Variants in CPD observed in about 807,000 individuals in gnomAD.
CPD encodes the protein carboxypeptidase D.
CPD carries 69 observed loss-of-function variants against 138.3 expected under a neutral mutation model. That is an observed-to-expected ratio of 0.50 (90% CI 0.41 to 0.61). The LOEUF (loss-of-function observed/expected upper bound fraction) is 0.61, where lower values mean the gene tolerates loss of function less well. CPD is among the 20% of genes least tolerant of loss of function. CPD has a pLI of 0.00. For synonymous variants in CPD, 651 were observed against 642.1 expected (o/e 1.01, Z -0.21); for missense variants, 1,432 against 1,733.3 (o/e 0.83, Z 3.09).
chr17:30,405,511 A>G (rs752366619), intron 2 of CPD, among the ~76,000 whole-genome samples: 13 of 152,236 alleles, frequency 8.5e-5, no homozygotes, highest in Admixed American at 2.6e-4. Context: ...TTTGCCACCT[A>G]GTTAACCTAG....
chr17:30,443,151 A>G (rs757245116), intron 10 of CPD, among the ~76,000 whole-genome samples: 2 of 152,068 alleles, frequency 1.3e-5, no homozygotes, highest in Non-Finnish European at 2.9e-5. Context: ...TGTAAATTTT[A>G]TTTACACACT....
rs893811134 is a variant in CPD, at chr17:30,378,957, C to T, written c.-24C>T. On this transcript the variant is annotated 5_prime_UTR_variant, in exon 1 of 21. Transcript: ENST00000225719. ...GAGCGCTGAGCCGCGGGAGCGGAGC[C>T]GGGGTTAGCGGCGCTGCTGGAAGAT... is the stretch of plus-strand genomic sequence containing the variant. The T allele has an allele frequency of 6.1e-6, 9 of 1,465,706 alleles. No homozygotes were observed. Among genetic ancestry groups the T allele is most frequent in the South Asian group, 4.1e-5 (3 of 73,262 alleles). 90.8% of individuals were successfully genotyped at this position (1,465,706 alleles called of 1,614,324 possible).
At chr17:30,401,855 T>TA (rs1325037362) in intron 2 of CPD, among the ~76,000 whole-genome samples, 2 of 152,090 alleles carry the variant, frequency 1.3e-5, no homozygotes, top group Non-Finnish European at 2.9e-5. Context: ...TTTTTGCACT[T>TA]ATAGTGTTTG....
intron 7 of CPD, among the ~76,000 whole-genome samples, chr17:30,429,577 C>T (rs946063404): frequency 6.6e-6 from 1 of 152,026 alleles, no homozygotes. Context: ...TGATAAAAGA[C>T]AGATTAAAAG....
In CPD at chr17:30,379,549, C is replaced by A; in HGVS notation, c.569C>A (p.Ala190Asp). The change falls in exon 1 of 21, where the codon GCC (alanine) becomes GAC (aspartate). Residue 190 changes from alanine to aspartate, a missense_variant. Ala to Asp is a moderately radical substitution (Grantham distance 126). This residue lies in a region of CPD where 484 missense variants were observed against 477.2 expected (regional missense o/e 1.01). Transcript: ENST00000225719. The surrounding 1 kb of genome is among the most constrained non-coding windows in gnomAD (Gnocchi z 7.0). ...PSLNPDGFERAREGDCGFGDG... is the reference protein window; with the variant it reads ...PSLNPDGFERDREGDCGFGDG... ...CTCAACCCCGATGGCTTCGAGCGTG[C>A]CCGCGAGGGCGACTGTGGCTTCGGC... The A allele has an allele frequency of 1.3e-6, 2 of 1,548,754 alleles. No homozygotes were observed. The highest frequency in any genetic ancestry group is 1.7e-6 in the Non-Finnish European group (2 of 1,156,690).
intron 2 of CPD, among the ~76,000 whole-genome samples, chr17:30,415,118 A>G (rs8075762): frequency 0.013 from 1,936 of 152,222 alleles, 35 homozygotes; most frequent in African/African-American, 0.044. Flanking sequence ...AAATGGCACT[A>G]CTATCTCCCT....
intron 2 of CPD, among the ~76,000 whole-genome samples, chr17:30,393,576 G>A (rs894778517): frequency 1.1e-4 from 16 of 152,322 alleles, no homozygotes; most frequent in African/African-American, 3.6e-4. Flanking sequence ...TTCAGAACTA[G>A]TAGGTCATAG....
At chr17:30,388,585 C>A (rs1911260640) in intron 2 of CPD, among the ~76,000 whole-genome samples, 1 of 152,176 alleles carries the variant, frequency 6.6e-6, no homozygotes, top group African/African-American at 2.4e-5. Context: ...TGGGGAGAGG[C>A]CAGGCAGCAG....
At chr17:30,449,403 T>C in intron 12 of CPD, 150 bp from the exon 13 acceptor site, 1 of 578,456 alleles carries the variant, frequency 1.7e-6, no homozygotes. Context: ...AAACTAATTT[T>C]CTTAAGGTTT....
intron 2 of CPD, among the ~76,000 whole-genome samples, chr17:30,416,652 T>G (rs1912115089): frequency 6.6e-6 from 1 of 152,134 alleles, no homozygotes; most frequent in Non-Finnish European, 1.5e-5. Flanking sequence ...ACCAAACTTT[T>G]CCCCCTGCCT....
rs750492183 is a variant in CPD at position 30,456,494 on chromosome 17, G to C, written c.3466G>C (p.Ala1156Pro). Residue 1156 changes from alanine to proline, a missense_variant, in exon 17 of 21, where the codon GCA becomes CCA. Ala to Pro is a conservative substitution (Grantham distance 27). Transcript: ENST00000225719. ...ENIPGGVMRG[A>P]EWHSHLGSMK... Reference sequence around the variant, plus strand: ...TATTCCAGGAGGAGTAATGCGTGGAGCAGAATGGCATAGTCACCTGGGCAG... The same window carrying C: ...TATTCCAGGAGGAGTAATGCGTGGACCAGAATGGCATAGTCACCTGGGCAG... The C allele has an allele frequency of 1.9e-6, 3 of 1,614,166 alleles. No individual in the cohort carries two copies. The South Asian group carries it at 3.3e-5, about 18-fold the overall frequency.
At chr17:30,394,554 C>G (rs566984572) in intron 2 of CPD, among the ~76,000 whole-genome samples, 1 of 152,038 alleles carries the variant, frequency 6.6e-6, no homozygotes, top group South Asian at 2.1e-4. Context: ...TAGTGCTATT[C>G]GTTTTGGAGT....
intron 1 of CPD, chr17:30,380,698 G>C: frequency 8.2e-7 from 1 of 1,221,750 alleles, no homozygotes; most frequent in East Asian, 2.6e-5. Context: ...GGCAAGATGT[G>C]TGTGGGCTGC....
At chr17:30,435,000 C>G (rs951384559) in intron 8 of CPD, among the ~76,000 whole-genome samples, 22 of 151,952 alleles carry the variant, frequency 1.4e-4, no homozygotes, top group Non-Finnish European at 2.9e-5. Flanking sequence ...AAAAAATAAT[C>G]GAGAAGCAGA....
intron 1 of CPD, among the ~76,000 whole-genome samples, chr17:30,381,174 G>A (rs1248599879): frequency 6.6e-6 from 1 of 151,934 alleles, no homozygotes; most frequent in Non-Finnish European, 1.5e-5. Context: ...ATACGATCGT[G>A]TCATCACCTC....
intron 2 of CPD, among the ~76,000 whole-genome samples, chr17:30,386,754 A>C (rs1911200201): frequency 6.6e-6 from 1 of 152,184 alleles, no homozygotes; most frequent in Admixed American, 6.5e-5. Flanking sequence ...AATATTCTTA[A>C]GGGTGATCCA....
At chr17:30,417,484 A>G (rs1048133618) in intron 2 of CPD, among the ~76,000 whole-genome samples, 1 of 152,170 alleles carries the variant, frequency 6.6e-6, no homozygotes, top group South Asian at 2.1e-4. Context: ...CTCAAATTCA[A>G]CATGCCCCTT....
At chr17:30,462,868 T>C (rs192957645) in intron 20 of CPD, among the ~76,000 whole-genome samples, 1 of 152,296 alleles carries the variant, frequency 6.6e-6, no homozygotes, top group Admixed American at 6.5e-5. Context: ...GTATCCTTTA[T>C]GGGAAACGAA....
At chr17:30,384,206 A>G (rs1911123160) in intron 1 of CPD, among the ~76,000 whole-genome samples, 1 of 152,124 alleles carries the variant, frequency 6.6e-6, no homozygotes, top group Non-Finnish European at 1.5e-5. Flanking sequence ...AGCTCACTGA[A>G]TCAGGTTGTT....
Sources: allele counts gnomAD v4.1 joint callset (sites outside exome capture counted in the v4.1 genomes callset), GRCh38; gene constraint gnomAD v4.1.1; regional missense constraint gnomAD v4.1.1; non-coding constraint Gnocchi (gnomAD v3.1); transcripts MANE v1.5; gene names NCBI Gene and HGNC (gene_info 2026-07-23, HGNC 2026-07-21).